The following GOLGA6L9 variants were observed in gnomAD, a reference collection of about 807,000 sequenced individuals.
The protein encoded by GOLGA6L9 is golgin A6 family like 9.
In GOLGA6L9, 19 loss-of-function variants were observed where a neutral mutation model predicts 51.3. That is an observed-to-expected ratio of 0.37 (90% CI 0.26 to 0.54). The LOEUF (loss-of-function observed/expected upper bound fraction) is 0.54. Ranked by LOEUF, GOLGA6L9 falls within the 20% of genes least tolerant of loss-of-function variation. The probability of loss-of-function intolerance (pLI) is 0.83; values close to 1 mark genes in which losing one functional copy is unlikely to be tolerated. For missense variants in GOLGA6L9, 247 were observed against 464.1 expected (o/e 0.53, Z 4.30); for synonymous variants, 97 against 184.2 (o/e 0.53, Z 3.83).
rs1177421143 is a variant in GOLGA6L9, at chr15:82,437,697, T to C, written c.*1286T>C. The C allele has an allele frequency of 2.7e-5, 4 of 147,592 alleles. No homozygotes were observed. The highest frequency in any genetic ancestry group is 6.7e-5 in the Admixed American group (1 of 14,848). 9.1% of individuals were successfully genotyped at this position (147,592 alleles called of 1,614,324 possible). ...TAACAAACATTATTATAAACTAATA[T>C]ATGTGAGAGTACTTAGTTGAAACAA... On this transcript the variant is annotated 3_prime_UTR_variant, in exon 9 of 9. Coordinates refer to ENST00000618348, the MANE Select transcript of GOLGA6L9 (RefSeq NM_198181.4).
In GOLGA6L9 at chr15:82,438,538, C is replaced by T. The variant is rs2031803777; in HGVS notation, c.*2127C>T. ...GTTCTCTACCTCATTCAGTATAAGG[C>T]AGCCTTTAATTTGCTTAGAAGGCAA... On this transcript the variant is annotated 3_prime_UTR_variant, in exon 9 of 9. Transcript: ENST00000618348. 6.7e-6 allele frequency: 1 copy of T among 149,108 alleles called. No individual in the cohort carries two copies. The highest frequency in any genetic ancestry group is 1.5e-5 in the Non-Finnish European group (1 of 67,048). The allele number at this position is 149,108 out of a possible 1,614,324, so 9.2% of individuals were successfully genotyped here.
At chr15:82,420,264 A>G in the GOLGA6L9 span, among the ~76,000 whole-genome samples, 1 of 152,186 alleles carries the variant, frequency 6.6e-6, no homozygotes, top group African/African-American at 2.4e-5. Flanking sequence ...ACTGATAATC[A>G]CTTAATGATT....
At position 82,436,312 on chromosome 15, in the gene GOLGA6L9, A is replaced by C. The variant is rs1555445196; in HGVS notation, c.1200A>C (p.Glu400Asp). The change falls in exon 9 of 9, where the codon GAA becomes GAC. Residue 400 changes from glutamate to aspartate, a missense_variant. Physicochemically the swap from Glu to Asp is conservative, Grantham distance 45. Coordinates refer to ENST00000618348, the MANE Select transcript of GOLGA6L9 (RefSeq NM_198181.4). ...TPQEHPGLSGEAVGTGEAAGG... is the reference protein window; with the variant it reads ...TPQEHPGLSGDAVGTGEAAGG... The stretch of plus-strand genomic sequence containing the variant: ...AGGAGCACCCAGGCTTGAGTGGAGA[A>C]GCTGTTGGTACAGGAGAGGCGGCAG... The C allele has an allele frequency of 6.3e-7, 1 of 1,587,960 alleles. No homozygotes were observed. The highest frequency in any genetic ancestry group is 2.3e-5 in the East Asian group (1 of 44,406).
chr15:82,420,486 C>T, the GOLGA6L9 span, among the ~76,000 whole-genome samples: 2 of 151,962 alleles, frequency 1.3e-5, no homozygotes, highest in Non-Finnish European at 1.5e-5. Context: ...TTTTGTTTCC[C>T]TCTGTGCCTA....
In GOLGA6L9 at chr15:82,430,178, G is replaced by T. The variant is rs1284793429; in HGVS notation, c.84+15G>T. On this transcript the variant is annotated intron_variant, in intron 1 of 8. Transcript: ENST00000618348. The stretch of plus-strand genomic sequence containing the variant: ...CCAAGAAAAAGGTAAAACACACCAG[G>T]TCATGGCCCCCAACCCAGCCACAGA... 5.1e-5 allele frequency: 32 copies of T among 632,156 alleles called. No individual in the cohort carries two copies. The highest frequency in any genetic ancestry group is 7.6e-5 in the Non-Finnish European group (29 of 379,612). The allele number at this position is 632,156 out of a possible 1,614,324, so 39.2% of individuals were successfully genotyped here. A position where few individuals can be genotyped will look rare whatever the true frequency, so the allele number is the denominator to read the frequency against.
chr15:82,437,869 A>G lies in GOLGA6L9; in HGVS notation c.*1458A>G, dbSNP rs1400076569. 1.3e-5 allele frequency: 2 copies of G among 151,320 alleles called. No homozygotes were observed. The highest frequency in any genetic ancestry group is 1.9e-4 in the East Asian group (1 of 5,198). The allele number at this position is 151,320 out of a possible 1,614,324, so 9.4% of individuals were successfully genotyped here. On this transcript the variant is annotated 3_prime_UTR_variant, in exon 9 of 9. Transcript: ENST00000618348. ...AAAGTGTCTATACAATCACAGAGTT[A>G]TATTTCCTCACAAAGTTCTTTACAA...
chr15:82,419,590 C>G, the GOLGA6L9 span, among the ~76,000 whole-genome samples: 2 of 151,916 alleles, frequency 1.3e-5, no homozygotes, highest in Admixed American at 1.3e-4. Context: ...GCAGAGCTTG[C>G]AGTGAGCTGA....
chr15:82,419,351 T>G, the GOLGA6L9 span: 270 of 154,190 alleles, frequency 1.8e-3, 1 homozygote, highest in Middle Eastern at 6.7e-3. Context: ...TTTTAGTGTT[T>G]TTTTTTTTTT....
Position 82,434,051 on chromosome 15 carries a change from C to A in GOLGA6L9, c.451C>A (p.Gln151Lys), listed in dbSNP as rs1305272775. The A allele has an allele frequency of 3.0e-6, 4 of 1,327,980 alleles. No homozygotes were observed. The highest frequency in any genetic ancestry group is 3.0e-6 in the Non-Finnish European group (3 of 1,000,196). The allele number at this position is 1,327,980 out of a possible 1,614,324, so 82.3% of individuals were successfully genotyped here. The part of the protein sequence containing the change: ...KNQTAEPLAP[Q>K]PPAGPSKMEQ... ...TTTCTCAGCTGAACCCCTGGCCCCA[C>A]AGCCCCCAGCAGGGCCATCTAAGAT... The change falls in exon 6 of 9, where the codon CAG (glutamine) becomes AAG (lysine). Residue 151 changes from glutamine to lysine, a missense_variant. Physicochemically the swap from Gln to Lys is moderately conservative, Grantham distance 53. Transcript: ENST00000618348.
chr15:82,434,315 C>A lies in GOLGA6L9; in HGVS notation c.715C>A (p.Gln239Lys). 6.5e-7 allele frequency: 1 copy of A among 1,544,376 alleles called. No individual in the cohort carries two copies. Among genetic ancestry groups the A allele is most frequent in the Non-Finnish European group, 8.7e-7 (1 of 1,151,612 alleles). ...TGAACAGGAGGAGAGGCTGTGTGAACAGGAGAAGCTGCCAGGGCAGGAGAG... is the reference window on the plus strand; with the variant it reads ...TGAACAGGAGGAGAGGCTGTGTGAAAAGGAGAAGCTGCCAGGGCAGGAGAG... ...LREQEERLCE[Q>K]EKLPGQERLL... Residue 239 changes from glutamine to lysine, a missense_variant, in exon 6 of 9, where the codon CAG becomes AAG. This residue lies in a region of GOLGA6L9 where 66 missense variants were observed against 66.2 expected (regional missense o/e 1.00). Transcript: ENST00000618348.
the GOLGA6L9 span, chr15:82,418,738 T>C: frequency 6.6e-6 from 1 of 152,190 alleles, no homozygotes; most frequent in Non-Finnish European, 1.5e-5. Context: ...CACAACAGAA[T>C]GGATAAGAAC....
upstream of GOLGA6L9, among the ~76,000 whole-genome samples, chr15:82,429,034 T>C (rs1804607113): frequency 2.0e-5 from 3 of 152,332 alleles, no homozygotes; most frequent in Middle Eastern, 0.01. Flanking sequence ...GCTTATTAAA[T>C]TGTAAGTTTT....
At chr15:82,419,055 T>G in the GOLGA6L9 span, among the ~76,000 whole-genome samples, 5 of 152,258 alleles carry the variant, frequency 3.3e-5, no homozygotes, top group African/African-American at 1.2e-4. Flanking sequence ...TTAAATTACC[T>G]ATAATCCTAT....
chr15:82,435,145 A>G, intron 7 of GOLGA6L9: 2 of 322,320 alleles, frequency 6.2e-6, no homozygotes, highest in Non-Finnish European at 1.1e-5. Context: ...TCTGGACATC[A>G]TCATCCCAGC....
At chr15:82,418,103 A>G in the GOLGA6L9 span, among the ~76,000 whole-genome samples, 1 of 152,236 alleles carries the variant, frequency 6.6e-6, no homozygotes, top group Non-Finnish European at 1.5e-5. Flanking sequence ...TCTCCAGGGC[A>G]AGGGAGTTAA....
In GOLGA6L9 at chr15:82,436,503, CTTATGT is replaced by C; in HGVS notation, c.*95_*100del. ...TTACTTCATTTGAATGTTAGAGCCACTTATGTTTGTGTTTCTAATTTATAGTTTAAA... is the reference window on the plus strand; with the variant it reads ...TTACTTCATTTGAATGTTAGAGCCACTTGTGTTTCTAATTTATAGTTTAAA... On this transcript the variant is annotated 3_prime_UTR_variant, in exon 9 of 9. Coordinates refer to ENST00000618348, the MANE Select transcript of GOLGA6L9 (RefSeq NM_198181.4). 6.6e-7 allele frequency: 1 copy of C among 1,511,286 alleles called. No homozygotes were observed. The highest frequency in any genetic ancestry group is 1.2e-5 in the South Asian group (1 of 80,918). 93.6% of individuals were successfully genotyped at this position (1,511,286 alleles called of 1,614,324 possible).
rs1355015064 is a variant in GOLGA6L9 at position 82,437,725 on chromosome 15, A to G, written c.*1314A>G. 6.7e-6 allele frequency: 1 copy of G among 149,564 alleles called. No homozygotes were observed. The allele number at this position is 149,564 out of a possible 1,614,324, so 9.3% of individuals were successfully genotyped here. ...GTGAGAGTACTTAGTTGAAACAAAA[A>G]GGAGTTTTAGTAGACAGTATTATAC... On this transcript the variant is annotated 3_prime_UTR_variant, in exon 9 of 9. Transcript: ENST00000618348.
chr15:82,420,499 C>A, the GOLGA6L9 span, among the ~76,000 whole-genome samples: 1 of 152,072 alleles, frequency 6.6e-6, no homozygotes, highest in South Asian at 2.1e-4. Context: ...TGTGCCTATG[C>A]TTACCAAGTC....
chr15:82,416,535 C>T, the GOLGA6L9 span, among the ~76,000 whole-genome samples: 5 of 152,092 alleles, frequency 3.3e-5, no homozygotes, highest in Admixed American at 2.0e-4. Context: ...TGAGGAGAAC[C>T]TACATTGGTG....
Sources: gnomAD v4.1 joint callset for allele counts (sites outside exome capture counted in the v4.1 genomes callset) on GRCh38, gnomAD v4.1.1 for gene constraint, gnomAD v4.1.1 regional missense constraint, MANE v1.5 for transcripts, NCBI Gene and HGNC (gene_info 2026-07-23, HGNC 2026-07-21) for gene names.